Variants in SGCD observed in about 807,000 individuals in gnomAD.
SGCD encodes delta-sarcoglycan.
A neutral mutation model predicts 36.6 loss-of-function variants in SGCD; 18 were observed. The observed-to-expected ratio is 0.49, with a 90% CI of 0.34 to 0.73. The LOEUF is 0.73. SGCD is among the 30% of genes least tolerant of loss of function. The pLI is 0.01. For synonymous variants in SGCD, 133 were observed against 130.6 expected, an observed-to-expected ratio of 1.02 and a Z score of -0.12; for missense variants, 387 against 346.7, an observed-to-expected ratio of 1.12 and a Z score of -0.92.
intron 3 of SGCD, among the ~76,000 whole-genome samples, chr5:156,168,307 A>G (rs1763259945): frequency 1.3e-5 from 2 of 151,808 alleles, no homozygotes; most frequent in Admixed American, 1.3e-4. Context: ...GTAGAATTTG[A>G]TTTCCTTCCT....
chr5:156,274,155 G>A (rs1766254879), intron 3 of SGCD, among the ~76,000 whole-genome samples: 1 of 152,108 alleles, frequency 6.6e-6, no homozygotes, highest in African/African-American at 2.4e-5. Flanking sequence ...CCAGGGCAAG[G>A]TGAGAGAGTG....
chr5:156,307,574 T>TTTTTTTTTC, intron 3 of SGCD, among the ~76,000 whole-genome samples: 1 of 149,008 alleles, frequency 6.7e-6, no homozygotes, highest in Non-Finnish European at 1.5e-5. Flanking sequence ...TTTTTTTTTT[T>TTTTTTTTTC]TTTTTGCCTT....
At chr5:156,487,363 C>T (rs1466183646) in intron 3 of SGCD, among the ~76,000 whole-genome samples, 2 of 152,190 alleles carry the variant, frequency 1.3e-5, no homozygotes, top group Non-Finnish European at 2.9e-5. Context: ...AAATCTTTCC[C>T]TATGGTAGCC....
At chr5:156,602,344 A>AT (rs150824354) in intron 6 of SGCD, among the ~76,000 whole-genome samples, 39,129 of 150,524 alleles carry the variant, frequency 0.26, 5,080 homozygotes, top group East Asian at 0.31. Context: ...AATTCTAATA[A>AT]TTTTTTTTTT....
chr5:156,552,408 G>C (rs1003542422), intron 4 of SGCD, among the ~76,000 whole-genome samples: 9 of 152,156 alleles, frequency 5.9e-5, no homozygotes, highest in Non-Finnish European at 1.3e-4. Flanking sequence ...GTGGGGATGT[G>C]GAGATACCAT....
At chr5:156,748,654 T>C (rs1260953454) in intron 7 of SGCD, among the ~76,000 whole-genome samples, 2 of 152,040 alleles carry the variant, frequency 1.3e-5, no homozygotes, top group African/African-American at 4.8e-5. Flanking sequence ...AAAATAGATA[T>C]GAATATTCAA....
chr5:156,676,250 T>C (rs1477324842), intron 7 of SGCD, among the ~76,000 whole-genome samples: 1 of 152,200 alleles, frequency 6.6e-6, no homozygotes, highest in African/African-American at 2.4e-5. Flanking sequence ...TAGACTTTTG[T>C]CTCATAACCC....
chr5:156,148,683 C>T (rs1473120901), intron 3 of SGCD, among the ~76,000 whole-genome samples: 1 of 152,098 alleles, frequency 6.6e-6, no homozygotes, highest in Non-Finnish European at 1.5e-5. Context: ...CAACTGGTTA[C>T]AGGGAGAAGG....
At chr5:156,341,392 G>A (rs1768644619) in intron 2 of SGCD, among the ~76,000 whole-genome samples, 1 of 152,024 alleles carries the variant, frequency 6.6e-6, no homozygotes, top group South Asian at 2.1e-4. Flanking sequence ...GTCTTACAAT[G>A]ATTACCCTAT....
chr5:156,538,930 T>A (rs1251934036), intron 4 of SGCD, among the ~76,000 whole-genome samples: 1 of 151,808 alleles, frequency 6.6e-6, no homozygotes, highest in Non-Finnish European at 1.5e-5. Context: ...AGATAACAAC[T>A]AACAGTTTTA....
chr5:156,644,536 C>A (rs1248959054), intron 6 of SGCD, among the ~76,000 whole-genome samples: 4 of 150,152 alleles, frequency 2.7e-5, no homozygotes, highest in African/African-American at 9.8e-5. Flanking sequence ...GGATAAAAGT[C>A]TGTTCCTTTT....
chr5:156,255,244 A>G (rs1455434447), intron 3 of SGCD, among the ~76,000 whole-genome samples: 1 of 152,236 alleles, frequency 6.6e-6, no homozygotes, highest in Non-Finnish European at 1.5e-5. Context: ...CTTAATCTGT[A>G]GTAAACCATT....
intron 4 of SGCD, among the ~76,000 whole-genome samples, chr5:156,576,033 T>C (rs1421894039): frequency 1.3e-5 from 2 of 152,162 alleles, no homozygotes; most frequent in African/African-American, 4.8e-5. Flanking sequence ...CATTAACCTG[T>C]CATTTACATT....
At chr5:155,945,569 C>G (rs544775972) in intron 1 of SGCD, among the ~76,000 whole-genome samples, 64 of 152,290 alleles carry the variant, frequency 4.2e-4, no homozygotes, top group Middle Eastern at 3.4e-3. Context: ...CGGAACTAGC[C>G]TGAGGCTTCA....
intron 7 of SGCD, among the ~76,000 whole-genome samples, chr5:156,728,618 A>G (rs2113800139): frequency 6.6e-6 from 1 of 151,496 alleles, no homozygotes. Flanking sequence ...CCACCCCAAG[A>G]TAAGACTTTT....
intron 3 of SGCD, among the ~76,000 whole-genome samples, chr5:156,176,371 GA>G (rs1763473595): frequency 6.6e-6 from 1 of 152,052 alleles, no homozygotes; most frequent in Non-Finnish European, 1.5e-5. Context: ...TGAAGAATGG[GA>G]AAAAATAGGT....
Position 155,937,327 on chromosome 5 carries a change from G to T in SGCD, c.-282+66903G>T, listed in dbSNP as rs1228774268. ...CCAGGCAGGCCGCTGCTTCCATCAA[G>T]GTCACATATTGAAGCGGTGCTGGAG... On this transcript the variant is annotated intron_variant, in intron 1 of 9. Transcript: ENST00000517913. Among the ~76,000 whole-genome samples, 3 of 152,182 alleles carry T rather than the reference G, an allele frequency of 2.0e-5. No individual in the cohort carries two copies. In the South Asian group the frequency reaches 6.2e-4, roughly 32 times the overall value.
chr5:156,383,906 A>G (rs1188547028), intron 3 of SGCD, among the ~76,000 whole-genome samples: 1 of 152,212 alleles, frequency 6.6e-6, no homozygotes, highest in Non-Finnish European at 1.5e-5. Flanking sequence ...AAATGCCAGA[A>G]TCATTTGAAT....
chr5:155,917,691 A>C (rs1375815682), intron 1 of SGCD, among the ~76,000 whole-genome samples: 2 of 152,174 alleles, frequency 1.3e-5, no homozygotes, highest in African/African-American at 4.8e-5. Flanking sequence ...CCTTATCAGG[A>C]GACAGCTCAC....
Sources: allele counts gnomAD v4.1 joint callset (sites outside exome capture counted in the v4.1 genomes callset), GRCh38; gene constraint gnomAD v4.1.1; transcripts MANE v1.5; gene names NCBI Gene and HGNC (gene_info 2026-07-23, HGNC 2026-07-21).